Variants in CAMTA1 observed in about 807,000 individuals in gnomAD.
CAMTA1 encodes calmodulin-binding transcription activator 1.
In CAMTA1, 27 loss-of-function variants were observed where a neutral mutation model predicts 170.9. The observed-to-expected ratio is 0.16, with a 90% CI of 0.12 to 0.22. The LOEUF (loss-of-function observed/expected upper bound fraction) is 0.22. Among genes scored for constraint, CAMTA1 ranks in the 10% least tolerant of loss-of-function variants. The pLI, the probability that CAMTA1 is intolerant of heterozygous loss-of-function variation, is 1.00. For synonymous variants in CAMTA1, 833 were observed against 891.5 expected (o/e 0.93, Z 1.17); for missense variants, 1,619 against 2,217.2 (o/e 0.73, Z 5.42).
intron 3 of CAMTA1, among the ~76,000 whole-genome samples, chr1:6,921,813 A>G (rs1682078454): frequency 6.6e-6 from 1 of 152,172 alleles, no homozygotes; most frequent in African/African-American, 2.4e-5. Flanking sequence ...GAACAGCATG[A>G]GAAAGACCCG....
At chr1:7,517,314 G>T (rs1355611097) in intron 6 of CAMTA1, among the ~76,000 whole-genome samples, 1 of 152,138 alleles carries the variant, frequency 6.6e-6, no homozygotes, top group East Asian at 1.9e-4. Context: ...AGATGGGATT[G>T]CTGGGTCACA....
chr1:6,819,097 G>A (rs907151787), intron 1 of CAMTA1, among the ~76,000 whole-genome samples: 7 of 149,758 alleles, frequency 4.7e-5, no homozygotes, highest in African/African-American at 1.5e-4. Flanking sequence ...GAGACTACAG[G>A]CACAAGCCAC....
intron 5 of CAMTA1, among the ~76,000 whole-genome samples, chr1:7,410,270 A>T (rs2090616908): frequency 6.6e-6 from 1 of 152,226 alleles, no homozygotes; most frequent in Non-Finnish European, 1.5e-5. Flanking sequence ...AGAACCAAAG[A>T]CGTGGGCATG....
At chr1:7,339,872 C>T (rs2083665656) in intron 5 of CAMTA1, among the ~76,000 whole-genome samples, 1 of 152,206 alleles carries the variant, frequency 6.6e-6, no homozygotes, top group Non-Finnish European at 1.5e-5. Flanking sequence ...GCTGGGATTA[C>T]AGGCATAAAC....
At chr1:6,902,661 T>C (rs1677385349) in intron 3 of CAMTA1, among the ~76,000 whole-genome samples, 1 of 152,238 alleles carries the variant, frequency 6.6e-6, no homozygotes, top group African/African-American at 2.4e-5. Flanking sequence ...TATGGACCTG[T>C]GCACTTTGAA....
In CAMTA1 at chr1:7,768,933, T is replaced by G. The variant is rs2097039703; in HGVS notation, c.*2442T>G. On this transcript the variant is annotated 3_prime_UTR_variant, in exon 23 of 23. Coordinates refer to ENST00000303635, the MANE Select transcript of CAMTA1 (RefSeq NM_015215.4). ...ACTGAATTTAGATATCTTTATTCCA[T>G]TTATTATGGTACAAATAACTGATGT... 6.6e-6 allele frequency: 1 copy of G among 152,354 alleles called. No individual in the cohort carries two copies. The allele number at this position is 152,354 out of a possible 1,614,324, so 9.4% of individuals were successfully genotyped here. A position where few individuals can be genotyped will look rare whatever the true frequency, so the allele number is the denominator to read the frequency against.
chr1:6,884,355 C>G (rs1672573704), intron 3 of CAMTA1, among the ~76,000 whole-genome samples: 1 of 147,110 alleles, frequency 6.8e-6, no homozygotes, highest in South Asian at 2.2e-4. Flanking sequence ...TGGCTTTGAT[C>G]CACACAATGT....
intron 6 of CAMTA1, among the ~76,000 whole-genome samples, chr1:7,589,270 T>C (rs560712077): frequency 7.2e-5 from 11 of 152,230 alleles, no homozygotes; most frequent in Admixed American, 7.2e-4. Context: ...AAGGAGAGGG[T>C]GCCCAAGTAG....
Position 6,918,932 on chromosome 1 carries a change from CA to C in CAMTA1, c.234+93723del, listed in dbSNP as rs1681407318. 6.6e-6 allele frequency among the ~76,000 whole-genome samples: 1 copy of C among 152,202 alleles called. No homozygotes were observed. Among genetic ancestry groups the C allele is most frequent in the Admixed American group, 6.5e-5 (1 of 15,274 alleles). ...TGGCCGCTCCAAAGGCACCACAGGC[CA>C]CAGAGAAAGGAGAGGCGACCCTGCA... On this transcript the variant is annotated intron_variant, in intron 3 of 22. Transcript: ENST00000303635. The surrounding 1 kb of genome is among the most constrained non-coding windows in gnomAD (Gnocchi z 4.0).
chr1:7,420,021 A>G (rs1048105389), intron 5 of CAMTA1, among the ~76,000 whole-genome samples: 1 of 152,118 alleles, frequency 6.6e-6, no homozygotes, highest in Non-Finnish European at 1.5e-5. Context: ...ACCTGGAGCC[A>G]TCAGCTAATG....
chr1:6,966,042 GAGGAGAAGGAGTT>G (rs1258307700), intron 3 of CAMTA1, among the ~76,000 whole-genome samples: 2 of 152,108 alleles, frequency 1.3e-5, no homozygotes, highest in Non-Finnish European at 2.9e-5. Context: ...ACCATCGGGA[GAGGAGAAGGAGTT>G]AGGCTTCACA....
At chr1:6,854,232 T>A (rs995729250) in intron 3 of CAMTA1, among the ~76,000 whole-genome samples, 1 of 152,202 alleles carries the variant, frequency 6.6e-6, no homozygotes, top group Non-Finnish European at 1.5e-5. Context: ...TGTAACACAT[T>A]ACTGTTTCTA....
At chr1:7,551,749 G>A (rs1429201442) in intron 6 of CAMTA1, among the ~76,000 whole-genome samples, 1 of 152,202 alleles carries the variant, frequency 6.6e-6, no homozygotes, top group East Asian at 1.9e-4. Context: ...CCTGTCCCTG[G>A]CACTGGGTCT....
In CAMTA1 at chr1:7,680,382, G is replaced by T. The variant is rs1296865446; in HGVS notation, c.2914+2649G>T. Among the ~76,000 whole-genome samples, 2 of 152,136 alleles carry T rather than the reference G, an allele frequency of 1.3e-5. No individual in the cohort carries two copies. The highest frequency in any genetic ancestry group is 2.9e-5 in the Non-Finnish European group (2 of 68,000). On this transcript the variant is annotated intron_variant, in intron 11 of 22. Coordinates refer to ENST00000303635, the MANE Select transcript of CAMTA1 (RefSeq NM_015215.4). The surrounding 1 kb of genome is among the most constrained non-coding windows in gnomAD (Gnocchi z 4.4). ...GGAGAGGGGAGGAGGGCTGGGGAAG[G>T]GGTGGGCGCCAGGGGACTGCAGCGC...
intron 3 of CAMTA1, among the ~76,000 whole-genome samples, chr1:6,946,508 T>C (rs1252579205): frequency 2.0e-5 from 3 of 152,236 alleles, no homozygotes; most frequent in Non-Finnish European, 4.4e-5. Context: ...TTCTTTTTGA[T>C]TATAGCCATC....
intron 6 of CAMTA1, among the ~76,000 whole-genome samples, chr1:7,541,656 G>A (rs1414643644): frequency 6.6e-6 from 1 of 152,200 alleles, no homozygotes; most frequent in Non-Finnish European, 1.5e-5. Flanking sequence ...TCCCCGGCAT[G>A]CACCATTGAA....
rs149782980 is a variant in CAMTA1, at chr1:7,142,658, G to A, written c.302+51287G>A. On this transcript the variant is annotated intron_variant, in intron 4 of 22. Coordinates refer to ENST00000303635, the MANE Select transcript of CAMTA1 (RefSeq NM_015215.4). Reference sequence around the variant, plus strand: ...CTCCAGGAGCTGGTTGTTTAAAAGAGCCTGGCACATTCCTTCTCTTCCTGG... The same window carrying A: ...CTCCAGGAGCTGGTTGTTTAAAAGAACCTGGCACATTCCTTCTCTTCCTGG... Among the ~76,000 whole-genome samples the A allele has an allele frequency of 1.0e-2, 1,516 of 152,316 alleles. 16 individuals are homozygous for A. Among genetic ancestry groups the A allele is most frequent in the Non-Finnish European group, 0.016 (1,078 of 68,034 alleles).
intron 4 of CAMTA1, among the ~76,000 whole-genome samples, chr1:7,128,867 G>T (rs1414452394): frequency 8.3e-6 from 1 of 120,794 alleles, no homozygotes; most frequent in African/African-American, 3.4e-5. Context: ...TTGAGACAAG[G>T]TCTTGCTCTG....
At chr1:7,305,047 AC>A (rs1675374177) in intron 5 of CAMTA1, among the ~76,000 whole-genome samples, 1 of 152,228 alleles carries the variant, frequency 6.6e-6, no homozygotes, top group South Asian at 2.1e-4. Context: ...AATATATTAT[AC>A]AACTTTATTT....
Sources: allele counts gnomAD v4.1 joint callset (sites outside exome capture counted in the v4.1 genomes callset), GRCh38; gene constraint gnomAD v4.1.1; non-coding constraint Gnocchi (gnomAD v3.1); transcripts MANE v1.5; gene names NCBI Gene and HGNC (gene_info 2026-07-23, HGNC 2026-07-21).